Variants in PRAG1 observed in about 807,000 individuals in gnomAD.
PRAG1 encodes the protein PEAK1 related, kinase-activating pseudokinase 1.
PRAG1 carries 110 observed loss-of-function variants against 95.6 expected under a neutral mutation model. The observed-to-expected ratio is 1.15, with a 90% CI of 0.99 to 1.35. The LOEUF (loss-of-function observed/expected upper bound fraction) is 1.35, where lower values mean the gene tolerates loss of function less well. Among genes scored for constraint, PRAG1 ranks in the 40% most tolerant of loss-of-function variants. The pLI is 0.00. For synonymous variants in PRAG1, 1,052 were observed against 819.4 expected (o/e 1.28, Z -4.85); for missense variants, 2,554 against 1,864.7 (o/e 1.37, Z -6.81).
At chr8:8,376,172 T>A in intron 3 of PRAG1, 75 bp downstream of exon 3, 2 of 1,528,280 alleles carry the variant, frequency 1.3e-6, no homozygotes, top group Non-Finnish European at 1.8e-6. Flanking sequence ...CTGAAAGCTT[T>A]GATGAGGGCA....
At position 8,376,969 on chromosome 8, in the gene PRAG1, G is replaced by C. The variant is rs779380933; in HGVS notation, c.1440C>G (p.His480Gln). 1.2e-6 allele frequency: 2 copies of C among 1,613,554 alleles called. No individual in the cohort carries two copies. The highest frequency in any genetic ancestry group is 2.2e-5 in the South Asian group (2 of 91,084). ...AGATCGTCCGATGGTCCTCTTCCGG[G>C]TGGGCCGCCATGACTGTGATGGTGG... ...VSATITVMAA[H>Q]PEEDHRTIYL... The change falls in exon 3 of 6, where the codon CAC becomes CAG. Residue 480 changes from histidine (H) to glutamine (Q), a missense_variant. Transcript: ENST00000615670.
At chr8:8,341,857 A>G (rs1239743651) in intron 3 of PRAG1, among the ~76,000 whole-genome samples, 1 of 152,186 alleles carries the variant, frequency 6.6e-6, no homozygotes, top group African/African-American at 2.4e-5. Context: ...TGACGGCCGG[A>G]TACGGTGGCT....
chr8:8,328,651 T>C (rs2979208), intron 4 of PRAG1, among the ~76,000 whole-genome samples, 190 bp from the exon 5 acceptor site: 44,707 of 152,164 alleles, frequency 0.29, 7,931 homozygotes, highest in African/African-American at 0.5. Flanking sequence ...AAGGTATAGA[T>C]TGACAACTAA....
At chr8:8,366,239 A>C (rs998731870) in intron 3 of PRAG1, among the ~76,000 whole-genome samples, 16 of 152,176 alleles carry the variant, frequency 1.1e-4, no homozygotes, top group African/African-American at 3.9e-4. Context: ...GTCTCTATTC[A>C]AAGAGAATGG....
chr8:8,383,803 A>G (rs991851742), intron 1 of PRAG1, among the ~76,000 whole-genome samples: 1 of 152,124 alleles, frequency 6.6e-6, no homozygotes, highest in Admixed American at 6.5e-5. Flanking sequence ...GGCTTCAACA[A>G]GCGGAGGAAA....
intron 3 of PRAG1, among the ~76,000 whole-genome samples, chr8:8,357,117 G>A (rs1480754666): frequency 6.6e-6 from 1 of 152,122 alleles, no homozygotes; most frequent in African/African-American, 2.4e-5. Flanking sequence ...AATGACATTG[G>A]ATTTGGCAAT....
At chr8:8,366,514 A>G (rs1389465209) in intron 3 of PRAG1, among the ~76,000 whole-genome samples, 2 of 151,994 alleles carry the variant, frequency 1.3e-5, no homozygotes, top group African/African-American at 2.4e-5. Flanking sequence ...GGGTTTGACC[A>G]TGTTGGCCAG....
chr8:8,328,697 C>G (rs1223127046), intron 4 of PRAG1, among the ~76,000 whole-genome samples: 1 of 152,224 alleles, frequency 6.6e-6, no homozygotes, highest in Non-Finnish European at 1.5e-5. Context: ...ACTCAGCTCT[C>G]TCATCAGAGG....
At chr8:8,355,329 C>T (rs1434199122) in intron 3 of PRAG1, among the ~76,000 whole-genome samples, 1 of 152,002 alleles carries the variant, frequency 6.6e-6, no homozygotes, top group Non-Finnish European at 1.5e-5. Flanking sequence ...GTTGAAATGT[C>T]CACACCACCA....
Position 8,376,261 on chromosome 8 carries a change from CGGA to C in PRAG1, c.2145_2147del (p.Pro718del), listed in dbSNP as rs746353821. The C allele has an allele frequency of 6.2e-7, 1 of 1,613,152 alleles. No individual in the cohort carries two copies. The highest frequency in any genetic ancestry group is 1.3e-5 in the African/African-American group (1 of 75,012). Reference sequence around the variant, plus strand: ...ATGGTACTCACCGCGACTTTGGAGGCGGAGGAGGAGGTGAGAATGTCTCAATCC... The same window carrying C: ...ATGGTACTCACCGCGACTTTGGAGGCGGAGGAGGTGAGAATGTCTCAATCC... On this transcript the variant is annotated inframe_deletion, in exon 3 of 6. Coordinates refer to ENST00000615670, the MANE Select transcript of PRAG1 (RefSeq NM_001080826.3).
At chr8:8,373,242 C>A (rs1240247228) in intron 3 of PRAG1, among the ~76,000 whole-genome samples, 1 of 149,620 alleles carries the variant, frequency 6.7e-6, no homozygotes, top group African/African-American at 2.4e-5. Flanking sequence ...CTGGCACTAT[C>A]CCCAGCGGAG....
At position 8,319,105 on chromosome 8, in the gene PRAG1, G is replaced by C; in HGVS notation, c.3270C>G (p.Val1090=). 6.2e-7 allele frequency: 1 copy of C among 1,609,610 alleles called. No homozygotes were observed. Among genetic ancestry groups the C allele is most frequent in the Non-Finnish European group, 8.5e-7 (1 of 1,179,386 alleles). The part of the protein sequence containing the change: ...PPAQEQDCVV[V]ITREVPHQTA... ...TCTGATGTGGCACCTCTCGGGTGAT[G>C]ACCACCACGCAGTCCTGCTCCTGGG... The change falls in exon 6 of 6, where the codon GTC becomes GTG. Residue 1090 remains valine (V), a synonymous_variant. Transcript: ENST00000615670.
chr8:8,348,887 G>A (rs1297913366), intron 3 of PRAG1, among the ~76,000 whole-genome samples: 5 of 152,158 alleles, frequency 3.3e-5, no homozygotes, highest in Non-Finnish European at 7.4e-5. Context: ...CAGTTGAGAC[G>A]TGCTGGAACA....
chr8:8,379,881 G>A (rs1304485682), intron 2 of PRAG1, among the ~76,000 whole-genome samples: 2 of 152,176 alleles, frequency 1.3e-5, no homozygotes, highest in African/African-American at 4.8e-5. Flanking sequence ...TAAAATCCAA[G>A]CTTCAAAATT....
At chr8:8,385,972 G>C (rs1354546574) in intron 1 of PRAG1, among the ~76,000 whole-genome samples, 1 of 152,122 alleles carries the variant, frequency 6.6e-6, no homozygotes, top group African/African-American at 2.4e-5. Flanking sequence ...AGTCCTCAAA[G>C]CGCTTCAGCC....
At position 8,318,830 on chromosome 8, in the gene PRAG1, G is replaced by T. The variant is rs1355502059; in HGVS notation, c.3545C>A (p.Ser1182Tyr). 1.9e-5 allele frequency: 25 copies of T among 1,332,692 alleles called. No individual in the cohort carries two copies. Among genetic ancestry groups the T allele is most frequent in the Non-Finnish European group, 2.2e-5 (23 of 1,041,862 alleles). 82.6% of individuals were successfully genotyped at this position (1,332,692 alleles called of 1,614,324 possible). ...PAPAAAAPPC[S>Y]SAAPPAGGTL... ...GCCACCAGCAGGCGGGGCGGCAGAGGAGCAGGGAGGCGCGGCGGCGGCGGG... is the reference window on the plus strand; with the variant it reads ...GCCACCAGCAGGCGGGGCGGCAGAGTAGCAGGGAGGCGCGGCGGCGGCGGG... The change falls in exon 6 of 6, where the codon TCC becomes TAC. Residue 1182 changes from serine to tyrosine, a missense_variant. Physicochemically the swap from Ser to Tyr is moderately radical, Grantham distance 144 (BLOSUM62 -2). Transcript: ENST00000615670. The surrounding 1 kb of genome is among the most constrained non-coding windows in gnomAD (Gnocchi z 4.2).
At chr8:8,352,892 ATAAC>A (rs1799569364) in intron 3 of PRAG1, among the ~76,000 whole-genome samples, 1 of 152,206 alleles carries the variant, frequency 6.6e-6, no homozygotes, top group South Asian at 2.1e-4. Flanking sequence ...CATGCAAATA[ATAAC>A]CAAAAGAGAG....
intron 3 of PRAG1, among the ~76,000 whole-genome samples, chr8:8,340,529 G>A (rs568747190): frequency 6.6e-6 from 1 of 152,342 alleles, no homozygotes; most frequent in South Asian, 2.1e-4. Context: ...ATTTCCTGAT[G>A]ACATTCCTGT....
chr8:8,338,941 G>A (rs1207206222), intron 4 of PRAG1, among the ~76,000 whole-genome samples: 1 of 152,204 alleles, frequency 6.6e-6, no homozygotes, highest in East Asian at 1.9e-4. Context: ...CATGCCCAGT[G>A]GAGGACAGAC....
Sources: allele counts gnomAD v4.1 joint callset (sites outside exome capture counted in the v4.1 genomes callset), GRCh38; gene constraint gnomAD v4.1.1; non-coding constraint Gnocchi (gnomAD v3.1); transcripts MANE v1.5; gene names NCBI Gene and HGNC (gene_info 2026-07-23, HGNC 2026-07-21).